The following DAGLA variants were observed in gnomAD, a reference collection of about 807,000 sequenced individuals.
DAGLA encodes diacylglycerol lipase-alpha.
Under a neutral mutation model 102.6 loss-of-function variants are expected in DAGLA, and 22 were observed. That is an observed-to-expected ratio of 0.21 (90% CI 0.15 to 0.31). The LOEUF (loss-of-function observed/expected upper bound fraction) is 0.31. Among genes scored for constraint, DAGLA ranks in the 10% least tolerant of loss-of-function variants. The pLI is 1.00. For synonymous variants in DAGLA, 578 were observed against 628.9 expected (o/e 0.92, Z 1.21); for missense variants, 927 against 1,446.6 (o/e 0.64, Z 5.83).
intron 1 of DAGLA, among the ~76,000 whole-genome samples, chr11:61,693,455 T>C (rs1318203790): frequency 1.3e-5 from 2 of 151,832 alleles, no homozygotes; most frequent in Admixed American, 1.3e-4. Flanking sequence ...TTTAAGCGAT[T>C]CTCCTGCCTC....
chr11:61,707,991 G>GTATTTATT (rs200842768), intron 1 of DAGLA, among the ~76,000 whole-genome samples: 11 of 146,852 alleles, frequency 7.5e-5, no homozygotes, highest in African/African-American at 3.0e-4. Flanking sequence ...ATTTATTTAT[G>GTATTTATT]TATTTATTTA....
intron 1 of DAGLA, among the ~76,000 whole-genome samples, chr11:61,711,374 A>G (rs1312776121): frequency 6.6e-6 from 1 of 152,148 alleles, no homozygotes. Flanking sequence ...AAAATGAATA[A>G]TCTCCAAGGA....
intron 9 of DAGLA, among the ~76,000 whole-genome samples, chr11:61,731,865 G>A (rs1289696335): frequency 3.9e-5 from 6 of 152,004 alleles, no homozygotes; most frequent in African/African-American, 1.2e-4. Context: ...CCCTTCTCTC[G>A]GCTCCCCTCA....
At chr11:61,712,871 G>C (rs1457236404) in intron 1 of DAGLA, among the ~76,000 whole-genome samples, 1 of 152,198 alleles carries the variant, frequency 6.6e-6, no homozygotes. Context: ...AGGCAGAGAG[G>C]GTATTTTTTT....
chr11:61,705,459 C>A (rs1044136868), intron 1 of DAGLA, among the ~76,000 whole-genome samples: 1 of 152,214 alleles, frequency 6.6e-6, no homozygotes, highest in Non-Finnish European at 1.5e-5. Context: ...GTCCTCACAT[C>A]CAGGCCCTGC....
chr11:61,717,776 G>A (rs1349167797), intron 1 of DAGLA, among the ~76,000 whole-genome samples: 2 of 152,184 alleles, frequency 1.3e-5, no homozygotes, highest in Non-Finnish European at 2.9e-5. Flanking sequence ...CATACTCTAG[G>A]TAGGTACTGC....
At chr11:61,707,327 G>A (rs926489656) in intron 1 of DAGLA, among the ~76,000 whole-genome samples, 3 of 152,246 alleles carry the variant, frequency 2.0e-5, no homozygotes, top group African/African-American at 7.2e-5. Context: ...CGAGCAGATG[G>A]GCACTTACCT....
At chr11:61,729,577 G>A (rs757885494) in intron 8 of DAGLA, among the ~76,000 whole-genome samples, 2 of 152,148 alleles carry the variant, frequency 1.3e-5, no homozygotes, top group African/African-American at 2.4e-5. Context: ...TGGCTGGAGC[G>A]TGCATCTGCT....
intron 1 of DAGLA, among the ~76,000 whole-genome samples, chr11:61,694,157 T>C (rs533968285): frequency 1.3e-5 from 2 of 152,344 alleles, no homozygotes; most frequent in African/African-American, 2.4e-5. Context: ...AGGGTACTCA[T>C]CTGTAGGATT....
Position 61,736,368 on chromosome 11 carries a change from G to T in DAGLA, c.1371+18G>T. The T allele has an allele frequency of 6.2e-6, 10 of 1,608,844 alleles. No individual in the cohort carries two copies. Among genetic ancestry groups the T allele is most frequent in the Non-Finnish European group, 8.5e-6 (10 of 1,175,292 alleles). On this transcript the variant is annotated intron_variant, in intron 13 of 19. Transcript: ENST00000257215. ...GAGACCTGGTGAGGAATTTTCCATG[G>T]CACCAAGCCTTTTCACACCTGGGTC...
In DAGLA at chr11:61,686,037, C is replaced by T. The variant is rs1310664478; in HGVS notation, c.-45+5533C>T. ...AGCAAGGGTTTGGAGGCTGGTGCCA[C>T]CCACCAGGAAGAGTGGTATGGCAGC... On this transcript the variant is annotated intron_variant, in intron 1 of 19. Coordinates refer to ENST00000257215, the MANE Select transcript of DAGLA (RefSeq NM_006133.3). This position sits in a 1 kb window ranked among gnomAD's most constrained non-coding sequence, Gnocchi z 5.2. Among the ~76,000 whole-genome samples, 2 of 152,068 alleles carry T rather than the reference C, an allele frequency of 1.3e-5. No individual in the cohort carries two copies. The highest frequency in any genetic ancestry group is 2.4e-5 in the African/African-American group (1 of 41,402).
intron 1 of DAGLA, among the ~76,000 whole-genome samples, chr11:61,685,354 C>T (rs1565243983): frequency 1.3e-5 from 2 of 152,114 alleles, no homozygotes; most frequent in African/African-American, 2.4e-5. Context: ...GTGGTTATGT[C>T]GTGATCTGCA....
chr11:61,709,840 G>A (rs1262729232), intron 1 of DAGLA, among the ~76,000 whole-genome samples: 1 of 152,092 alleles, frequency 6.6e-6, no homozygotes, highest in Non-Finnish European at 1.5e-5. Flanking sequence ...GGGTACAGTC[G>A]AAGGGAAACC....
intron 7 of DAGLA, 93 bp from the exon 8 acceptor site, chr11:61,728,838 A>C (rs768184343): frequency 1.5e-4 from 167 of 1,098,002 alleles, no homozygotes; most frequent in Non-Finnish European, 2.2e-4. Flanking sequence ...GGCCTTTGGG[A>C]AGCAGGCGGA....
chr11:61,729,186 C>T (rs1244815896), intron 8 of DAGLA, among the ~76,000 whole-genome samples, 178 bp downstream of exon 8: 2 of 152,214 alleles, frequency 1.3e-5, no homozygotes, highest in Non-Finnish European at 2.9e-5. Context: ...CGAGAACCAC[C>T]CACTTCACAC....
rs1296156957 is a variant in DAGLA at position 61,728,967 on chromosome 11, C to T, written c.808C>T (p.Pro270Ser). ...NDILAFLSGM[P>S]VTRNTKYLDL... is the part of the protein sequence containing the mutation. ...CATCTTGGCCTTCCTGTCTGGGATG[C>T]CGGTGACCAGAAACACCAAGTACCT... The change falls in exon 8 of 20, where the codon CCG (proline) becomes TCG (serine). Residue 270 changes from proline to serine, a missense_variant. Physicochemically the swap from Pro to Ser is moderately conservative, Grantham distance 74 (BLOSUM62 -1). Coordinates refer to ENST00000257215, the MANE Select transcript of DAGLA (RefSeq NM_006133.3). 6.2e-7 allele frequency: 1 copy of T among 1,614,062 alleles called. No individual in the cohort carries two copies. Among genetic ancestry groups the T allele is most frequent in the Non-Finnish European group, 8.5e-7 (1 of 1,180,022 alleles).
intron 7 of DAGLA, 108 bp from the exon 8 acceptor site, chr11:61,728,823 T>C: frequency 1.1e-6 from 1 of 918,656 alleles, no homozygotes; most frequent in South Asian, 1.4e-5. Flanking sequence ...TCGTTTGGGC[T>C]TCTCGGCCTT....
chr11:61,725,435 T>C (rs2065317198), intron 5 of DAGLA, among the ~76,000 whole-genome samples: 1 of 152,116 alleles, frequency 6.6e-6, no homozygotes, highest in South Asian at 2.1e-4. Context: ...ATCCAAGGAA[T>C]TGGGAAATGC....
Position 61,746,684 on chromosome 11 carries a change from C to A in DAGLA, c.*2195C>A, listed in dbSNP as rs2135622415. Reference sequence around the variant, plus strand: ...TACCACACTGGGGGGTCTGAGCCACCCCCCTCAGCCCCGTTCGGCTCAGAC... The same window carrying A: ...TACCACACTGGGGGGTCTGAGCCACACCCCTCAGCCCCGTTCGGCTCAGAC... On this transcript the variant is annotated 3_prime_UTR_variant, in exon 20 of 20. Transcript: ENST00000257215. 1 of 152,634 alleles carries A rather than the reference C, an allele frequency of 6.6e-6. No individual in the cohort carries two copies. The highest frequency in any genetic ancestry group is 2.4e-5 in the African/African-American group (1 of 41,528). The allele number at this position is 152,634 out of a possible 1,614,324, so 9.5% of individuals were successfully genotyped here.
Sources: gnomAD v4.1 joint callset for allele counts (sites outside exome capture counted in the v4.1 genomes callset) on GRCh38, gnomAD v4.1.1 for gene constraint, Gnocchi (gnomAD v3.1) non-coding constraint, MANE v1.5 for transcripts, NCBI Gene and HGNC (gene_info 2026-07-23, HGNC 2026-07-21) for gene names.